The following HERC4 variants were observed in gnomAD, a reference collection of about 807,000 sequenced individuals.
The protein encoded by HERC4 is HECT and RLD domain containing E3 ubiquitin protein ligase 4, also known as probable E3 ubiquitin-protein ligase HERC4.
HERC4 carries 28 observed loss-of-function variants against 124.3 expected under a neutral mutation model. That is an observed-to-expected ratio of 0.23 (90% CI 0.17 to 0.31). The LOEUF (loss-of-function observed/expected upper bound fraction) is 0.31. Ranked by LOEUF, HERC4 falls within the 10% of genes least tolerant of loss-of-function variation. The pLI, the probability that HERC4 is intolerant of heterozygous loss-of-function variation, is 1.00. For synonymous variants in HERC4, 407 were observed against 421.5 expected (o/e 0.97, Z 0.42); for missense variants, 713 against 1,229.3 (o/e 0.58, Z 6.28).
At chr10:67,970,674 G>A (rs1161825586) in intron 15 of HERC4, among the ~76,000 whole-genome samples, 1 of 151,204 alleles carries the variant, frequency 6.6e-6, no homozygotes, top group Non-Finnish European at 1.5e-5. Context: ...ATTCAGAGAA[G>A]ACCCAAATGT....
At chr10:68,053,149 T>C (rs1332893142) in intron 3 of HERC4, among the ~76,000 whole-genome samples, 1 of 152,168 alleles carries the variant, frequency 6.6e-6, no homozygotes, top group African/African-American at 2.4e-5. Context: ...CCATGAACAT[T>C]GACTTAGCAA....
rs1029617010 is a variant in HERC4, at chr10:68,025,821, C to T, written c.778-145G>A. ...TTCACAATTTAACAGACAGATGGCT[C>T]TTTCAAAGTAAAATGTCATAAAACT... On this transcript the variant is annotated intron_variant, in intron 7 of 24. Coordinates refer to ENST00000373700, the MANE Select transcript of HERC4 (RefSeq NM_015601.4). 2.1e-5 allele frequency: 14 copies of T among 665,358 alleles called. No individual in the cohort carries two copies. The Admixed American group carries it at 4.1e-4, about 19-fold the overall frequency. The allele number at this position is 665,358 out of a possible 1,614,324, so 41.2% of individuals were successfully genotyped here. A position where few individuals can be genotyped will look rare whatever the true frequency, so the allele number is the denominator to read the frequency against.
Position 67,990,798 on chromosome 10 carries a change from C to T in HERC4, c.1443+106G>A, listed in dbSNP as rs115143453. The stretch of plus-strand genomic sequence containing the variant: ...ATAAAATCTTATTTTAAAAGCACAT[C>T]GTAAGAGTCTGTGAAACTGCAAAGT... On this transcript the variant is annotated intron_variant, in intron 13 of 24. Transcript: ENST00000373700. The T allele has an allele frequency of 1.9e-3, 1,163 of 606,054 alleles. 11 individuals carry two copies. The African/African-American group carries it at 0.02, about 10-fold the overall frequency. 37.5% of individuals were successfully genotyped at this position (606,054 alleles called of 1,614,324 possible).
At chr10:68,000,319 C>T (rs952603925) in intron 9 of HERC4, among the ~76,000 whole-genome samples, 1 of 152,078 alleles carries the variant, frequency 6.6e-6, no homozygotes, top group African/African-American at 2.4e-5. Context: ...TGGCTCATGC[C>T]TGTAATCCCA....
chr10:67,972,848 A>G (rs2035333614), intron 15 of HERC4, among the ~76,000 whole-genome samples: 2 of 152,138 alleles, frequency 1.3e-5, no homozygotes, highest in African/African-American at 4.8e-5. Context: ...TATAAACAAC[A>G]TTTTTGCTAT....
chr10:68,009,643 A>G (rs2037813977), intron 9 of HERC4, among the ~76,000 whole-genome samples: 1 of 152,132 alleles, frequency 6.6e-6, no homozygotes. Flanking sequence ...GCAATTTCTT[A>G]AAATAAGACA....
At chr10:67,974,095 C>T (rs1033417810) in intron 15 of HERC4, among the ~76,000 whole-genome samples, 10 of 142,214 alleles carry the variant, frequency 7.0e-5, no homozygotes, top group Non-Finnish European at 9.2e-5. Flanking sequence ...CACACACACA[C>T]ACACACACAC....
intron 19 of HERC4, among the ~76,000 whole-genome samples, chr10:67,945,938 A>T (rs2033291955): frequency 6.6e-6 from 1 of 152,084 alleles, no homozygotes; most frequent in Admixed American, 6.6e-5. Context: ...GGAGGAAGGA[A>T]GGGCAAAAAA....
chr10:67,969,452 T>A (rs2035094422), intron 15 of HERC4, among the ~76,000 whole-genome samples: 1 of 151,468 alleles, frequency 6.6e-6, no homozygotes, highest in Non-Finnish European at 1.5e-5. Context: ...ATGAAACAAC[T>A]GGAAACAAGG....
rs372537314 is a variant in HERC4 at position 67,939,550 on chromosome 10, GATAA to G, written c.2571+34_2571+37del. 1.1e-5 allele frequency: 15 copies of G among 1,366,906 alleles called. 1 individual carries two copies. Among genetic ancestry groups the G allele is most frequent in the African/African-American group, 7.3e-5 (5 of 68,426 alleles). The allele number at this position is 1,366,906 out of a possible 1,614,324, so 84.7% of individuals were successfully genotyped here. A position where few individuals can be genotyped will look rare whatever the true frequency, so the allele number is the denominator to read the frequency against. On this transcript the variant is annotated intron_variant, in intron 21 of 24. Transcript: ENST00000373700. Reference sequence around the variant, plus strand: ...GACACGGCTGTTAAATAAAAGAGATGATAAATAATCAGGCTAACCTATGTCCTTC... The same window carrying G: ...GACACGGCTGTTAAATAAAAGAGATGATAATCAGGCTAACCTATGTCCTTC...
intron 15 of HERC4, among the ~76,000 whole-genome samples, chr10:67,968,670 T>A (rs902833421): frequency 6.6e-6 from 1 of 151,998 alleles, no homozygotes; most frequent in Non-Finnish European, 1.5e-5. Flanking sequence ...CCACCGCGCC[T>A]GGCCAGAGAG....
intron 19 of HERC4, among the ~76,000 whole-genome samples, chr10:67,942,501 G>A (rs755115790): frequency 3.3e-5 from 5 of 151,850 alleles, no homozygotes; most frequent in African/African-American, 7.3e-5. Context: ...CTCTACCCCC[G>A]TTCCAGTTTG....
chr10:67,992,600 T>G lies in HERC4; in HGVS notation c.1146+6A>C. 1 of 1,455,974 alleles carries G rather than the reference T, an allele frequency of 6.9e-7. No homozygotes were observed. Among genetic ancestry groups the G allele is most frequent in the South Asian group, 1.2e-5 (1 of 82,072 alleles). 90.2% of individuals were successfully genotyped at this position (1,455,974 alleles called of 1,614,324 possible). A position where few individuals can be genotyped will look rare whatever the true frequency, so the allele number is the denominator to read the frequency against. On this transcript the variant is annotated splice_donor_region_variant and intron_variant, in intron 10 of 24. Transcript: ENST00000373700. ...TATTTAATTATTTACATGACTATAT[T>G]ATTACCTGGGGACTAGAGTAATGTG...
intron 20 of HERC4, 96 bp downstream of exon 20, chr10:67,940,843 C>G: frequency 9.3e-7 from 1 of 1,071,922 alleles, no homozygotes; most frequent in Non-Finnish European, 1.3e-6. Context: ...ACAAGAAGAA[C>G]AAAATATATT....
intron 23 of HERC4, among the ~76,000 whole-genome samples, chr10:67,927,407 TATATATATATATATATA>T (rs2031167634): frequency 6.5e-4 from 7 of 10,702 alleles, no homozygotes; most frequent in South Asian, 1.8e-3. Context: ...TATATATATA[TATATATATATATATATA>T]TATATATTTT....
chr10:68,054,980 T>C (rs1429200729), intron 3 of HERC4, among the ~76,000 whole-genome samples: 1 of 152,220 alleles, frequency 6.6e-6, no homozygotes, highest in Non-Finnish European at 1.5e-5. Flanking sequence ...TGGAGTGCAG[T>C]GGCACGATCT....
intron 9 of HERC4, among the ~76,000 whole-genome samples, chr10:68,003,682 A>T (rs2037372272): frequency 6.6e-6 from 1 of 152,126 alleles, no homozygotes; most frequent in African/African-American, 2.4e-5. Flanking sequence ...GTTGCAAATG[A>T]CAGGATCCCA....
At chr10:68,043,253 G>T (rs1248527478) in intron 4 of HERC4, among the ~76,000 whole-genome samples, 1 of 152,106 alleles carries the variant, frequency 6.6e-6, no homozygotes, top group East Asian at 1.9e-4. Context: ...CATGAATCAT[G>T]GTTTTGAGAA....
At chr10:67,956,671 T>C (rs2034161070) in intron 17 of HERC4, 1 of 358,134 alleles carries the variant, frequency 2.8e-6, no homozygotes, top group Non-Finnish European at 5.0e-6. Context: ...AAAATGATTA[T>C]AGGTTAAGTT....
Sources: allele counts gnomAD v4.1 joint callset (sites outside exome capture counted in the v4.1 genomes callset), GRCh38; gene constraint gnomAD v4.1.1; transcripts MANE v1.5; gene names NCBI Gene and HGNC (gene_info 2026-07-23, HGNC 2026-07-21).